CSMD1: variants seen among roughly 807,000 people sequenced by gnomAD.
CSMD1 encodes the protein CUB and Sushi multiple domains 1.
A neutral mutation model predicts 417.5 loss-of-function variants in CSMD1; 213 were observed. That is an observed-to-expected ratio of 0.51 (90% CI 0.46 to 0.57). The LOEUF (loss-of-function observed/expected upper bound fraction) is 0.57. Ranked by LOEUF, CSMD1 falls within the 20% of genes least tolerant of loss-of-function variation. The probability of loss-of-function intolerance (pLI) is 0.00; values close to 1 mark genes in which losing one functional copy is unlikely to be tolerated. For missense variants in CSMD1, 6,923 were observed against 4,529.7 expected (o/e 1.53, Z -15.17); for synonymous variants, 2,862 against 1,736.8 (o/e 1.65, Z -16.11).
intron 3 of CSMD1, among the ~76,000 whole-genome samples, chr8:4,066,082 A>C (rs1361256105): frequency 6.6e-6 from 1 of 152,216 alleles, no homozygotes; most frequent in Non-Finnish European, 1.5e-5. Context: ...CTCATTTACA[A>C]AACAATGAAA....
chr8:3,082,220 G>A (rs577261897), intron 49 of CSMD1, among the ~76,000 whole-genome samples: 1 of 152,182 alleles, frequency 6.6e-6, no homozygotes, highest in Non-Finnish European at 1.5e-5. Flanking sequence ...CAGGATGCGT[G>A]CCAATCATTC....
intron 1 of CSMD1, among the ~76,000 whole-genome samples, chr8:4,764,484 C>G (rs917478226): frequency 6.6e-6 from 1 of 151,896 alleles, no homozygotes; most frequent in Admixed American, 6.6e-5. Flanking sequence ...AGTATTAAGT[C>G]GAGAAGACAA....
intron 1 of CSMD1, among the ~76,000 whole-genome samples, chr8:4,761,887 C>CTATCTACT (rs1812113567): frequency 1.4e-5 from 1 of 69,256 alleles, no homozygotes; most frequent in East Asian, 6.3e-4. Context: ...ATCTATCTAT[C>CTATCTACT]TACCTACCTA....
intron 2 of CSMD1, among the ~76,000 whole-genome samples, chr8:4,444,452 A>G (rs1041472413): frequency 3.3e-5 from 5 of 151,704 alleles, no homozygotes; most frequent in African/African-American, 9.7e-5. Flanking sequence ...AGCATGTGAG[A>G]AAACCACCTG....
intron 23 of CSMD1, among the ~76,000 whole-genome samples, chr8:3,308,732 G>GTGTTTTTT (rs1805090018): frequency 9.2e-6 from 1 of 108,930 alleles, no homozygotes; most frequent in African/African-American, 3.6e-5. Flanking sequence ...CTACTTACAA[G>GTGTTTTTT]TTTTTTTTTT....
At chr8:3,134,057 A>G (rs1289169619) in intron 41 of CSMD1, among the ~76,000 whole-genome samples, 2 of 152,172 alleles carry the variant, frequency 1.3e-5, no homozygotes, top group Non-Finnish European at 2.9e-5. Context: ...AGGCACCTGC[A>G]GTCCCAGCTA....
At chr8:4,254,522 T>TA (rs993697409) in intron 3 of CSMD1, among the ~76,000 whole-genome samples, 6 of 152,184 alleles carry the variant, frequency 3.9e-5, no homozygotes, top group African/African-American at 1.4e-4. Flanking sequence ...TCACGTAGCC[T>TA]AAACGTATGC....
rs563952137 is a variant in CSMD1, at chr8:4,420,831, A to G, written c.303-766T>C. Among the ~76,000 whole-genome samples the G allele has an allele frequency of 3.9e-5, 6 of 152,238 alleles. 1 individual carries two copies. The highest frequency in any genetic ancestry group is 1.2e-4 in the African/African-American group (5 of 41,552). On this transcript the variant is annotated intron_variant, in intron 2 of 69. Transcript: ENST00000635120. Reference sequence around the variant, plus strand: ...ATACCCACATTCTGGTAAGTAGCTTATTTTTTATGTTATAAAATCCACAAA... The same window carrying G: ...ATACCCACATTCTGGTAAGTAGCTTGTTTTTTATGTTATAAAATCCACAAA...
chr8:3,129,078 G>C (rs139092593), intron 41 of CSMD1, among the ~76,000 whole-genome samples: 282 of 152,236 alleles, frequency 1.9e-3, no homozygotes, highest in Middle Eastern at 6.8e-3. Flanking sequence ...AGGCCACGGA[G>C]TCAACATCAA....
intron 3 of CSMD1, among the ~76,000 whole-genome samples, chr8:4,415,035 C>T (rs1225814882): frequency 6.6e-6 from 1 of 152,148 alleles, no homozygotes; most frequent in Non-Finnish European, 1.5e-5. Context: ...AAATGCTATC[C>T]TTCGTTTCAT....
intron 3 of CSMD1, among the ~76,000 whole-genome samples, chr8:4,038,710 A>C (rs1451563940): frequency 6.6e-6 from 1 of 152,190 alleles, no homozygotes; most frequent in African/African-American, 2.4e-5. Flanking sequence ...CAAGAAAGCA[A>C]TACTTATTTA....
intron 1 of CSMD1, among the ~76,000 whole-genome samples, chr8:4,691,091 T>C (rs1248815986): frequency 1.3e-5 from 2 of 152,186 alleles, no homozygotes; most frequent in South Asian, 2.1e-4. Flanking sequence ...TATTTTTAAA[T>C]GGATTTTCCC....
chr8:3,506,436 G>C (rs1796831361), intron 10 of CSMD1, among the ~76,000 whole-genome samples: 1 of 152,104 alleles, frequency 6.6e-6, no homozygotes, highest in Non-Finnish European at 1.5e-5. Flanking sequence ...GAATGGGTAA[G>C]TACTCACATT....
rs73660312 is a variant in CSMD1, at chr8:3,583,391, T to C, written c.1222+2745A>G. 7.7e-3 allele frequency among the ~76,000 whole-genome samples: 1,164 copies of C among 152,040 alleles called. 15 individuals carry two copies. Among genetic ancestry groups the C allele is most frequent in the African/African-American group, 0.027 (1,113 of 41,454 alleles). The stretch of plus-strand genomic sequence containing the variant: ...TCAGGTGCCTCGAATAGACTGCTAG[T>C]AGAAATCTATCTTGTAAGGATACTC... On this transcript the variant is annotated intron_variant, in intron 9 of 69. Transcript: ENST00000635120.
At chr8:4,200,274 T>A (rs1314247320) in intron 3 of CSMD1, among the ~76,000 whole-genome samples, 1 of 152,194 alleles carries the variant, frequency 6.6e-6, no homozygotes, top group Non-Finnish European at 1.5e-5. Flanking sequence ...ATTACCTTTT[T>A]TCAGAGGATA....
chr8:3,199,761 C>G lies in CSMD1; in HGVS notation c.5147G>C (p.Ser1716Thr), dbSNP rs545959127. ...GCGGGCAGAGGCACCGCTCTTTGCA[C>G]TGAATCGGAGCAGAATTTGATTTGA... The part of the protein sequence containing the change: ...ATSNQILLRF[S>T]AKSGASARGF... The change falls in exon 33 of 70, where the codon AGT becomes ACT. Residue 1716 changes from serine to threonine, a missense_variant. By Grantham distance (58) the Ser-to-Thr change is moderately conservative. Transcript: ENST00000635120. 1 of 1,588,032 alleles carries G rather than the reference C, an allele frequency of 6.3e-7. No individual in the cohort carries two copies. The highest frequency in any genetic ancestry group is 1.8e-5 in the Admixed American group (1 of 56,332).
chr8:4,591,613 C>T (rs2724984), intron 2 of CSMD1, among the ~76,000 whole-genome samples: 80,894 of 151,950 alleles, frequency 0.53, 22,860 homozygotes, highest in African/African-American at 0.74. Context: ...GTAGTGATGG[C>T]GGAACTGGGC....
At chr8:3,214,302 C>G (rs1248344089) in intron 30 of CSMD1, among the ~76,000 whole-genome samples, 195 bp downstream of exon 30, 1 of 152,090 alleles carries the variant, frequency 6.6e-6, no homozygotes, top group Non-Finnish European at 1.5e-5. Context: ...CTCCCAGAAA[C>G]CTATGAGAAT....
At chr8:3,806,170 G>A (rs1428419504) in intron 5 of CSMD1, among the ~76,000 whole-genome samples, 1 of 152,146 alleles carries the variant, frequency 6.6e-6, no homozygotes, top group South Asian at 2.1e-4. Context: ...CATCATATAA[G>A]ATACCTTGGG....
Sources: gnomAD v4.1 joint callset for allele counts (sites outside exome capture counted in the v4.1 genomes callset) on GRCh38, gnomAD v4.1.1 for gene constraint, MANE v1.5 for transcripts, NCBI Gene and HGNC (gene_info 2026-07-23, HGNC 2026-07-21) for gene names.